PHGDH: variants seen among roughly 807,000 people sequenced by gnomAD.
PHGDH encodes the protein phosphoglycerate dehydrogenase.
Under a neutral mutation model 52.6 loss-of-function variants are expected in PHGDH, and 50 were observed. The observed-to-expected ratio is 0.95, with a 90% CI of 0.76 to 1.20. The LOEUF is 1.20. Ranked by LOEUF, PHGDH falls within the 50% of genes most tolerant of loss-of-function variation. The pLI, the probability that PHGDH is intolerant of heterozygous loss-of-function variation, is 0.00. For synonymous variants in PHGDH, 271 were observed against 280.5 expected, an observed-to-expected ratio of 0.97 and a Z score of 0.34; for missense variants, 630 against 684.6, an observed-to-expected ratio of 0.92 and a Z score of 0.89.
Position 119,733,347 on chromosome 1 carries a change from T to A in PHGDH, c.511-1287T>A, listed in dbSNP as rs587772817. Among the ~76,000 whole-genome samples, 699 of 151,046 alleles carry A rather than the reference T, an allele frequency of 4.6e-3. 8 individuals are homozygous for A. The highest frequency in any genetic ancestry group is 0.016 in the African/African-American group (665 of 41,054). ...ACGTTCTTTTTTATTTTGTTTTATTTTTTTTTTTTTTTCTGAGACATCTTG... is the reference window on the plus strand; with the variant it reads ...ACGTTCTTTTTTATTTTGTTTTATTATTTTTTTTTTTTCTGAGACATCTTG... On this transcript the variant is annotated intron_variant, in intron 5 of 11. Transcript: ENST00000641023.
intron 1 of PHGDH, among the ~76,000 whole-genome samples, chr1:119,716,907 T>C (rs1380661922): frequency 6.6e-6 from 1 of 152,164 alleles, no homozygotes; most frequent in Non-Finnish European, 1.5e-5. Flanking sequence ...TGAATATTAT[T>C]CATTTTCTTT....
At chr1:119,724,925 C>T (rs587599714) in intron 3 of PHGDH, 13 of 456,448 alleles carry the variant, frequency 2.8e-5, no homozygotes, top group East Asian at 1.4e-4. Context: ...GGAATGCGTT[C>T]GTTTCATCAG....
chr1:119,736,480 G>A (rs766595106), intron 7 of PHGDH, among the ~76,000 whole-genome samples: 5 of 152,296 alleles, frequency 3.3e-5, no homozygotes, highest in Non-Finnish European at 7.4e-5. Flanking sequence ...GAGAATGGCC[G>A]GAAGATGCCT....
chr1:119,715,556 C>T (rs1176856267), intron 1 of PHGDH, among the ~76,000 whole-genome samples: 1 of 152,140 alleles, frequency 6.6e-6, no homozygotes, highest in Non-Finnish European at 1.5e-5. Flanking sequence ...AAGTCAGAGG[C>T]ATGGCAATGC....
Position 119,744,110 on chromosome 1 carries a change from G to C in PHGDH, c.*70G>C, listed in dbSNP as rs752340788. The C allele has an allele frequency of 2.1e-5, 30 of 1,441,970 alleles. No homozygotes were observed. The highest frequency in any genetic ancestry group is 2.9e-5 in the Non-Finnish European group (30 of 1,023,864). 89.3% of individuals were successfully genotyped at this position (1,441,970 alleles called of 1,614,324 possible). On this transcript the variant is annotated 3_prime_UTR_variant, in exon 12 of 12. Transcript: ENST00000641023. Reference sequence around the variant, plus strand: ...ACCCACCCACTGTGATCAATAGGGAGAGAAAATCCACATTCTTGGGCTGAA... The same window carrying C: ...ACCCACCCACTGTGATCAATAGGGACAGAAAATCCACATTCTTGGGCTGAA...
intron 1 of PHGDH, among the ~76,000 whole-genome samples, chr1:119,716,280 C>T (rs915186766): frequency 7.9e-5 from 12 of 152,106 alleles, no homozygotes; most frequent in East Asian, 5.8e-4. Context: ...ACTGGGGACT[C>T]TTAGTTTCCC....
chr1:119,741,708 G>T, intron 9 of PHGDH, 59 bp from the exon 10 acceptor site: 1 of 1,539,342 alleles, frequency 6.5e-7, no homozygotes. Flanking sequence ...GTGGCTTCCT[G>T]CCCCCTCCTG....
chr1:119,731,022 C>T (rs1651666345), intron 5 of PHGDH, among the ~76,000 whole-genome samples: 1 of 152,148 alleles, frequency 6.6e-6, no homozygotes. Context: ...CATTTCTGCA[C>T]CCTACTTGTG....
Position 119,735,356 on chromosome 1 carries a change from C to T in PHGDH, c.705C>T (p.Ala235=). 1 of 1,614,184 alleles carries T rather than the reference C, an allele frequency of 6.2e-7. No homozygotes were observed. Among genetic ancestry groups the T allele is most frequent in the African/African-American group, 1.3e-5 (1 of 75,062 alleles). Residue 235 remains alanine (A), a synonymous_variant, in exon 7 of 12, where the codon GCC becomes GCT. Transcript: ENST00000641023. ...AGGGGGTGCGTGTGGTGAACTGTGC[C>T]CGTGGAGGGATCGTGGACGAAGGCG... ...CKKGVRVVNC[A]RGGIVDEGAL... is the part of the protein sequence containing the mutation.
chr1:119,725,768 C>G (rs1287576108), intron 3 of PHGDH, among the ~76,000 whole-genome samples: 1 of 152,256 alleles, frequency 6.6e-6, no homozygotes, highest in South Asian at 2.1e-4. Flanking sequence ...CTCGCTCACT[C>G]TGAGGTTTTT....
intron 8 of PHGDH, 56 bp from the exon 9 acceptor site, chr1:119,740,330 T>C (rs1652138269): frequency 4.4e-6 from 7 of 1,599,688 alleles, no homozygotes; most frequent in Non-Finnish European, 6.0e-6. Context: ...CAGATCTTGA[T>C]TCAGGATCTG....
chr1:119,726,897 C>G lies in PHGDH; in HGVS notation c.403C>G (p.Arg135Gly), dbSNP rs267606949. 128 of 1,613,868 alleles carry G rather than the reference C, an allele frequency of 7.9e-5. No homozygotes were observed. The highest frequency in any genetic ancestry group is 1.1e-4 in the Non-Finnish European group (124 of 1,179,820). ...TASMKDGKWE[R>G]KKFMGTELNG... ...TTCGATGAAGGACGGCAAATGGGAG[C>G]GGAAGAAGGTGAGCAGCGGCCTTGA... Residue 135 changes from arginine (R) to glycine (G), a missense_variant, in exon 4 of 12, where the codon CGG (arginine) becomes GGG (glycine). Coordinates refer to ENST00000641023, the MANE Select transcript of PHGDH (RefSeq NM_006623.4).
At chr1:119,723,262 A>C in intron 2 of PHGDH, 114 bp from the exon 3 acceptor site, 1 of 851,534 alleles carries the variant, frequency 1.2e-6, no homozygotes, top group Non-Finnish European at 2.0e-6. Flanking sequence ...TGGCGTGGTC[A>C]GTTCATGGAG....
chr1:119,716,893 A>G (rs1026450534), intron 1 of PHGDH, among the ~76,000 whole-genome samples: 2 of 152,134 alleles, frequency 1.3e-5, no homozygotes, highest in African/African-American at 4.8e-5. Context: ...ATGCTCACCA[A>G]TGCTGAATAT....
chr1:119,735,877 C>T lies in PHGDH; in HGVS notation c.792+434C>T, dbSNP rs896394697. Among the ~76,000 whole-genome samples, 4 of 152,320 alleles carry T rather than the reference C, an allele frequency of 2.6e-5. No homozygotes were observed. In the South Asian group the frequency reaches 6.2e-4, roughly 24 times the overall value. ...CCATGGGCATTCTTTTTCCCTTCTT[C>T]TCTTGCTGGGTGGACAGAAGCCCGA... On this transcript the variant is annotated intron_variant, in intron 7 of 11. Transcript: ENST00000641023.
intron 1 of PHGDH, chr1:119,712,758 A>C (rs1650755314): frequency 5.8e-6 from 1 of 171,462 alleles, no homozygotes; most frequent in Admixed American, 5.6e-5. Context: ...AGGGGAAGGC[A>C]GCCCTCGTAA....
intron 1 of PHGDH, chr1:119,720,940 G>C: frequency 1.8e-6 from 1 of 549,338 alleles, no homozygotes; most frequent in South Asian, 1.9e-5. Flanking sequence ...AAACAAAGCG[G>C]TTGGTGTGTT....
chr1:119,731,667 C>T (rs1217647661), intron 5 of PHGDH, among the ~76,000 whole-genome samples: 3 of 152,176 alleles, frequency 2.0e-5, no homozygotes, highest in Non-Finnish European at 4.4e-5. Flanking sequence ...GAAACTGAGG[C>T]CCAGGAAGGT....
At position 119,741,879 on chromosome 1, in the gene PHGDH, G is replaced by T. The variant is rs1652224997; in HGVS notation, c.1191G>T (p.Val397=). The change falls in exon 10 of 12, where the codon GTG becomes GTT. Residue 397 remains valine (V), a synonymous_variant. Transcript: ENST00000641023. ...DVNLVNAKLL[V]KEAGLNVTTS... is the part of the protein sequence containing the mutation. ...ACTTGGTGAACGCTAAGCTGCTGGTGAAAGAGGCTGGCCTCAATGTGCGCC... is the reference window on the plus strand; with the variant it reads ...ACTTGGTGAACGCTAAGCTGCTGGTTAAAGAGGCTGGCCTCAATGTGCGCC... 1 of 1,613,926 alleles carries T rather than the reference G, an allele frequency of 6.2e-7. No individual in the cohort carries two copies. Among genetic ancestry groups the T allele is most frequent in the Admixed American group, 1.7e-5 (1 of 60,004 alleles).
Sources: allele counts gnomAD v4.1 joint callset (sites outside exome capture counted in the v4.1 genomes callset), GRCh38; gene constraint gnomAD v4.1.1; transcripts MANE v1.5; gene names NCBI Gene and HGNC (gene_info 2026-07-23, HGNC 2026-07-21).